Variants in PCGF6 observed in about 807,000 individuals in gnomAD.
The protein encoded by PCGF6 is polycomb group RING finger protein 6.
PCGF6 carries 24 observed loss-of-function variants against 45.5 expected under a neutral mutation model. The ratio of observed to expected loss-of-function variants is 0.53; its 90% CI spans 0.38 to 0.74. PCGF6 has a LOEUF of 0.74. Ranked by LOEUF, PCGF6 falls within the 30% of genes least tolerant of loss-of-function variation. The pLI is 0.00. For synonymous variants in PCGF6, 152 were observed against 162.1 expected (o/e 0.94, Z 0.47); for missense variants, 356 against 443.2 (o/e 0.80, Z 1.77).
At chr10:103,322,177 G>A (rs1038688841) in intron 8 of PCGF6, among the ~76,000 whole-genome samples, 6 of 151,810 alleles carry the variant, frequency 4.0e-5, no homozygotes, top group African/African-American at 1.5e-4. Context: ...ATTACAGGGT[G>A]AGCCACCTTG....
chr10:103,303,686 C>A lies in PCGF6; in HGVS notation c.*219G>T. 2.6e-6 allele frequency: 1 copy of A among 391,810 alleles called. No homozygotes were observed. Among genetic ancestry groups the A allele is most frequent in the Non-Finnish European group, 4.6e-6 (1 of 218,366 alleles). The allele number at this position is 391,810 out of a possible 1,614,324, so 24.3% of individuals were successfully genotyped here. ...TAAAATTCAATTTTTGAAAAATTTCCCCTGAGCTTTGGCTGCTTTTTATAT... is the reference window on the plus strand; with the variant it reads ...TAAAATTCAATTTTTGAAAAATTTCACCTGAGCTTTGGCTGCTTTTTATAT... On this transcript the variant is annotated 3_prime_UTR_variant, in exon 10 of 10. Coordinates refer to ENST00000369847, the MANE Select transcript of PCGF6 (RefSeq NM_001011663.2).
intron 9 of PCGF6, among the ~76,000 whole-genome samples, chr10:103,306,363 G>T (rs985506369): frequency 1.3e-5 from 2 of 152,050 alleles, no homozygotes; most frequent in Non-Finnish European, 2.9e-5. Context: ...CTCCCAAAGT[G>T]CTGGAATTAT....
rs1215824919 is a variant in PCGF6, at chr10:103,325,629, T to C, written c.909+905A>G. On this transcript the variant is annotated intron_variant, in intron 8 of 9. Coordinates refer to ENST00000369847, the MANE Select transcript of PCGF6 (RefSeq NM_001011663.2). The stretch of plus-strand genomic sequence containing the variant: ...GCGGATGATAAGCAATATTTTTCTC[T>C]ACTACCAAAATGGAAAGAGCTGGAA... Among the ~76,000 whole-genome samples, 4 of 152,250 alleles carry C rather than the reference T, an allele frequency of 2.6e-5. 1 individual carries two copies. In the South Asian group the frequency reaches 8.3e-4, roughly 32 times the overall value.
intron 8 of PCGF6, among the ~76,000 whole-genome samples, chr10:103,320,091 C>T (rs2093191550): frequency 6.6e-6 from 1 of 152,106 alleles, no homozygotes; most frequent in African/African-American, 2.4e-5. Context: ...CAGGTATGAG[C>T]CACCATGCCT....
Position 103,303,919 on chromosome 10 carries a change from G to C in PCGF6, c.1039C>G (p.Leu347Val). ...GCCTAGAATCTTCAAGTTATCTTCA[G>C]AGGAGAAACCACAAGACCATAATGA... ...VLHYGLVVSP[L>V]KIT The change falls in exon 10 of 10, where the codon CTG (leucine) becomes GTG (valine). Residue 347 changes from leucine to valine, a missense_variant. By Grantham distance (32) the Leu-to-Val change is conservative. This residue lies in a region of PCGF6 where 49 missense variants were observed against 93.0 expected (regional missense o/e 0.53). Transcript: ENST00000369847. 6.2e-7 allele frequency: 1 copy of C among 1,613,338 alleles called. No individual in the cohort carries two copies. The highest frequency in any genetic ancestry group is 8.5e-7 in the Non-Finnish European group (1 of 1,179,442).
At chr10:103,339,714 C>T (rs551493476) in intron 6 of PCGF6, among the ~76,000 whole-genome samples, 2 of 149,718 alleles carry the variant, frequency 1.3e-5, no homozygotes, top group Admixed American at 6.7e-5. Flanking sequence ...TGCTTGAAAC[C>T]GGAAGACTGA....
intron 8 of PCGF6, among the ~76,000 whole-genome samples, chr10:103,315,517 G>A (rs2093171664): frequency 6.6e-6 from 1 of 152,084 alleles, no homozygotes; most frequent in South Asian, 2.1e-4. Flanking sequence ...CCACCACCAT[G>A]CCCAGCTTAT....
chr10:103,312,986 A>T (rs931964960), intron 9 of PCGF6, among the ~76,000 whole-genome samples: 1 of 152,116 alleles, frequency 6.6e-6, no homozygotes, highest in Non-Finnish European at 1.5e-5. Flanking sequence ...AACAAAAACA[A>T]AAACAAAAAC....
rs555479096 is a variant in PCGF6 at position 103,318,209 on chromosome 10, G to A, written c.910-3937C>T. 3.6e-4 allele frequency among the ~76,000 whole-genome samples: 54 copies of A among 151,442 alleles called. No individual in the cohort carries two copies. In the East Asian group the frequency reaches 9.8e-3, roughly 28 times the overall value. Reference sequence around the variant, plus strand: ...TGTAATCCCAGCACTTTGGGAGGCCGAGACGGGCAGATCACCTGAGGTCAG... The same window carrying A: ...TGTAATCCCAGCACTTTGGGAGGCCAAGACGGGCAGATCACCTGAGGTCAG... On this transcript the variant is annotated intron_variant, in intron 8 of 9. Transcript: ENST00000369847.
chr10:103,333,937 C>A lies in PCGF6; in HGVS notation c.798G>T (p.Thr266=). ...AAAAGTAAAATACCTTAAAATGTCC[C>A]GTGCCTTCATTAGCACTGAAAAATG... ...LLEFIGANEG[T]GHFKPLEKKF... Residue 266 remains threonine (T), a synonymous_variant, in exon 7 of 10, where the codon ACG becomes ACT. Coordinates refer to ENST00000369847, the MANE Select transcript of PCGF6 (RefSeq NM_001011663.2). 2 of 1,553,174 alleles carry A rather than the reference C, an allele frequency of 1.3e-6. No homozygotes were observed. Among genetic ancestry groups the A allele is most frequent in the South Asian group, 2.5e-5 (2 of 80,004 alleles).
chr10:103,317,241 C>T (rs2093179344), intron 8 of PCGF6, among the ~76,000 whole-genome samples: 1 of 152,094 alleles, frequency 6.6e-6, no homozygotes, highest in Non-Finnish European at 1.5e-5. Context: ...AAACTCCTAA[C>T]CTTAGGTGAT....
chr10:103,307,136 A>T (rs984582151), intron 9 of PCGF6, among the ~76,000 whole-genome samples: 9 of 151,804 alleles, frequency 5.9e-5, no homozygotes, highest in African/African-American at 2.2e-4. Context: ...ATAAAAAAAT[A>T]AAAAAATTTA....
chr10:103,322,837 A>G (rs565256008), intron 8 of PCGF6, among the ~76,000 whole-genome samples: 42 of 151,430 alleles, frequency 2.8e-4, no homozygotes, highest in African/African-American at 1.0e-3. Flanking sequence ...CACACACACA[A>G]AAAGTCCAGC....
chr10:103,318,452 A>G (rs1485597046), intron 8 of PCGF6, among the ~76,000 whole-genome samples: 1 of 151,392 alleles, frequency 6.6e-6, no homozygotes, highest in East Asian at 1.9e-4. Flanking sequence ...CAAAAAAAAA[A>G]AAAGAAAAAA....
At chr10:103,325,253 GTTTGT>G (rs1366288068) in intron 8 of PCGF6, among the ~76,000 whole-genome samples, 1 of 151,774 alleles carries the variant, frequency 6.6e-6, no homozygotes, top group Non-Finnish European at 1.5e-5. Flanking sequence ...TTGTTTTTTT[GTTTGT>G]TTTGTTTTGT....
Position 103,350,924 on chromosome 10 carries a change from A to G in PCGF6, c.143T>C (p.Leu48Pro). The change falls in exon 1 of 10, where the codon CTG (leucine) becomes CCG (proline). Residue 48 changes from leucine (L) to proline (P), a missense_variant. Physicochemically the swap from Leu to Pro is moderately conservative, Grantham distance 98. This residue lies in a region of PCGF6 where 307 missense variants were observed against 350.1 expected (regional missense o/e 0.88). Coordinates refer to ENST00000369847, the MANE Select transcript of PCGF6 (RefSeq NM_001011663.2). ...PAAGEEGPAP[L>P]SETGAPGCSG... ...GCAGCCGGGAGCCCCCGTCTCAGAC[A>G]GAGGCGCCGGTCCCTCCTCACCCGC... The G allele has an allele frequency of 6.6e-7, 1 of 1,513,100 alleles. No homozygotes were observed. The highest frequency in any genetic ancestry group is 8.8e-7 in the Non-Finnish European group (1 of 1,136,154). The allele number at this position is 1,513,100 out of a possible 1,614,324, so 93.7% of individuals were successfully genotyped here. A position where few individuals can be genotyped will look rare whatever the true frequency, so the allele number is the denominator to read the frequency against.
chr10:103,325,443 T>G (rs1291964205), intron 8 of PCGF6, among the ~76,000 whole-genome samples: 1 of 151,972 alleles, frequency 6.6e-6, no homozygotes, highest in South Asian at 2.1e-4. Flanking sequence ...TTAGTAGAGA[T>G]AGGGTTTCAC....
intron 6 of PCGF6, among the ~76,000 whole-genome samples, chr10:103,338,499 C>T (rs1365508394): frequency 1.3e-5 from 2 of 149,214 alleles, no homozygotes; most frequent in African/African-American, 4.9e-5. Context: ...GAGCTGAGAT[C>T]GCGCCACTGC....
chr10:103,307,717 C>T (rs1440142956), intron 9 of PCGF6, among the ~76,000 whole-genome samples: 1 of 152,112 alleles, frequency 6.6e-6, no homozygotes, highest in Non-Finnish European at 1.5e-5. Context: ...AAGTGACCCT[C>T]CCGCCTCGGC....
Sources: allele counts gnomAD v4.1 joint callset (sites outside exome capture counted in the v4.1 genomes callset), GRCh38; gene constraint gnomAD v4.1.1; regional missense constraint gnomAD v4.1.1; transcripts MANE v1.5; gene names NCBI Gene and HGNC (gene_info 2026-07-23, HGNC 2026-07-21).